The following DOK6 variants were observed in gnomAD, a reference collection of about 807,000 sequenced individuals.
DOK6 encodes the protein docking protein 6.
DOK6 carries 22 observed loss-of-function variants against 44.0 expected under a neutral mutation model. The observed-to-expected ratio is 0.50, with a 90% CI of 0.36 to 0.71. The LOEUF (loss-of-function observed/expected upper bound fraction) is 0.71, where lower values mean the gene tolerates loss of function less well. Ranked by LOEUF, DOK6 falls within the 30% of genes least tolerant of loss-of-function variation. DOK6 has a pLI of 0.00. For synonymous variants in DOK6, 166 were observed against 145.5 expected (o/e 1.14, Z -1.01); for missense variants, 340 against 416.4 (o/e 0.82, Z 1.60).
intron 3 of DOK6, among the ~76,000 whole-genome samples, chr18:69,603,167 T>G (rs1983913065): frequency 6.6e-6 from 1 of 152,210 alleles, no homozygotes; most frequent in South Asian, 2.1e-4. Flanking sequence ...TAGAATACTG[T>G]TTTATTGCTA....
chr18:69,835,735 T>C (rs1982036650), intron 7 of DOK6, among the ~76,000 whole-genome samples: 1 of 152,222 alleles, frequency 6.6e-6, no homozygotes, highest in Non-Finnish European at 1.5e-5. Flanking sequence ...GCTTGTGTCC[T>C]CATCAGATGA....
chr18:69,632,450 T>G (rs900348046), intron 3 of DOK6, among the ~76,000 whole-genome samples: 8 of 152,294 alleles, frequency 5.3e-5, no homozygotes, highest in African/African-American at 1.9e-4. Flanking sequence ...TAGAACAGAC[T>G]TCTAAATTCT....
chr18:69,621,155 T>G (rs1394963892), intron 3 of DOK6, among the ~76,000 whole-genome samples: 1 of 152,174 alleles, frequency 6.6e-6, no homozygotes, highest in African/African-American at 2.4e-5. Context: ...TATAGTGAAC[T>G]GGACAAGATC....
At chr18:69,703,947 C>T (rs1192088136) in intron 5 of DOK6, among the ~76,000 whole-genome samples, 1 of 152,082 alleles carries the variant, frequency 6.6e-6, no homozygotes, top group Non-Finnish European at 1.5e-5. Flanking sequence ...AGAAAGAAAC[C>T]TCTCAGTCCC....
intron 1 of DOK6, among the ~76,000 whole-genome samples, chr18:69,491,326 T>G (rs1438727487): frequency 6.6e-6 from 1 of 152,200 alleles, no homozygotes; most frequent in Non-Finnish European, 1.5e-5. Context: ...CTTTTCCATC[T>G]CGATTGGCTA....
At chr18:69,730,008 A>T (rs1480136609) in intron 5 of DOK6, among the ~76,000 whole-genome samples, 1 of 152,228 alleles carries the variant, frequency 6.6e-6, no homozygotes, top group African/African-American at 2.4e-5. Flanking sequence ...CAGAAAGCTT[A>T]GAGAAAGGAT....
chr18:69,514,302 C>T (rs572850693), intron 1 of DOK6, among the ~76,000 whole-genome samples: 110 of 152,006 alleles, frequency 7.2e-4, no homozygotes, highest in Admixed American at 4.6e-4. Flanking sequence ...GACATGAAGA[C>T]GACATTTAAG....
At chr18:69,830,517 G>A (rs1401613096) in intron 7 of DOK6, among the ~76,000 whole-genome samples, 2 of 152,158 alleles carry the variant, frequency 1.3e-5, no homozygotes, top group Non-Finnish European at 2.9e-5. Flanking sequence ...CAAGGAAAGA[G>A]GCCTCAGAAG....
intron 1 of DOK6, among the ~76,000 whole-genome samples, chr18:69,420,078 CA>C (rs2122404991): frequency 6.6e-6 from 1 of 151,938 alleles, no homozygotes; most frequent in African/African-American, 2.4e-5. Context: ...TATTTTTTGA[CA>C]ATTTTTTTGT....
chr18:69,401,746 C>A (rs1395960348), intron 1 of DOK6, among the ~76,000 whole-genome samples: 1 of 152,168 alleles, frequency 6.6e-6, no homozygotes, highest in African/African-American at 2.4e-5. Flanking sequence ...GCTTCCCAAG[C>A]TCAATTCGAA....
intron 5 of DOK6, among the ~76,000 whole-genome samples, chr18:69,728,633 A>C (rs572641230): frequency 3.3e-5 from 5 of 152,212 alleles, no homozygotes; most frequent in Non-Finnish European, 7.4e-5. Flanking sequence ...CTGAAAAAAA[A>C]AAAAGTAAAG....
chr18:69,723,367 T>C (rs953004568), intron 5 of DOK6, among the ~76,000 whole-genome samples: 1 of 152,228 alleles, frequency 6.6e-6, no homozygotes, highest in Non-Finnish European at 1.5e-5. Flanking sequence ...TTGTTGTCTG[T>C]GTTGGTGAAA....
At chr18:69,794,626 A>C (rs978698684) in intron 7 of DOK6, among the ~76,000 whole-genome samples, 1 of 152,154 alleles carries the variant, frequency 6.6e-6, no homozygotes, top group Non-Finnish European at 1.5e-5. Flanking sequence ...GATGCAAAGC[A>C]GGGGTCCCAA....
chr18:69,511,740 A>C (rs1444508688), intron 1 of DOK6, among the ~76,000 whole-genome samples: 1 of 152,228 alleles, frequency 6.6e-6, no homozygotes, highest in African/African-American at 2.4e-5. Context: ...GCAAAATATT[A>C]AACCATTTGC....
intron 1 of DOK6, among the ~76,000 whole-genome samples, chr18:69,430,446 CTCTT>C (rs1978771282): frequency 6.6e-6 from 1 of 152,040 alleles, no homozygotes; most frequent in Admixed American, 6.6e-5. Flanking sequence ...AAATGAGTTG[CTCTT>C]TATTAAAATA....
At chr18:69,478,498 T>A (rs1163783786) in intron 1 of DOK6, among the ~76,000 whole-genome samples, 2 of 152,070 alleles carry the variant, frequency 1.3e-5, no homozygotes, top group Non-Finnish European at 2.9e-5. Flanking sequence ...CTAAAACAAA[T>A]GGGAAAAAAT....
chr18:69,760,121 G>A (rs1979496156), intron 7 of DOK6, among the ~76,000 whole-genome samples: 1 of 152,120 alleles, frequency 6.6e-6, no homozygotes, highest in African/African-American at 2.4e-5. Flanking sequence ...GTTATACTTT[G>A]ATAATGGTCA....
At chr18:69,655,615 T>C (rs1985340614) in intron 3 of DOK6, among the ~76,000 whole-genome samples, 1 of 151,594 alleles carries the variant, frequency 6.6e-6, no homozygotes, top group Admixed American at 6.6e-5. Flanking sequence ...TAGCCAGGTG[T>C]GGAGGCAGGT....
chr18:69,780,229 C>A (rs1980220618), intron 7 of DOK6, among the ~76,000 whole-genome samples: 1 of 152,130 alleles, frequency 6.6e-6, no homozygotes, highest in Non-Finnish European at 1.5e-5. Context: ...AAGGCTCTTT[C>A]CAGCATTGTC....
Sources: gnomAD v4.1 joint callset for allele counts (sites outside exome capture counted in the v4.1 genomes callset) on GRCh38, gnomAD v4.1.1 for gene constraint, MANE v1.5 for transcripts, NCBI Gene and HGNC (gene_info 2026-07-23, HGNC 2026-07-21) for gene names.